GLI3: variants seen among roughly 807,000 people sequenced by gnomAD.
GLI3 encodes the protein GLI family zinc finger 3.
GLI3 carries 20 observed loss-of-function variants against 100.8 expected under a neutral mutation model. That is an observed-to-expected ratio of 0.20 (90% CI 0.14 to 0.29). The LOEUF (loss-of-function observed/expected upper bound fraction) is 0.29, where lower values mean the gene tolerates loss of function less well. Ranked by LOEUF, GLI3 falls within the 10% of genes least tolerant of loss-of-function variation. The pLI is 1.00. For synonymous variants in GLI3, 938 were observed against 860.5 expected (o/e 1.09, Z -1.58); for missense variants, 2,040 against 2,128.5 (o/e 0.96, Z 0.82).
Position 42,228,852 on chromosome 7 carries a change from A to G in GLI3, c.-42-5557T>C, listed in dbSNP as rs146671766. Among the ~76,000 whole-genome samples, 626 of 152,256 alleles carry G rather than the reference A, an allele frequency of 4.1e-3. 8 individuals are homozygous for G. The highest frequency in any genetic ancestry group is 0.015 in the African/African-American group (603 of 41,540). On this transcript the variant is annotated intron_variant, in intron 1 of 14. Transcript: ENST00000395925. ...ACAGACACATCGCCTCATTGTCTTG[A>G]GCTCAGGGAGGCCCTGAGTGGAGTC...
intron 1 of GLI3, among the ~76,000 whole-genome samples, chr7:42,244,578 G>A (rs372985124): frequency 6.6e-6 from 1 of 152,192 alleles, no homozygotes; most frequent in African/African-American, 2.4e-5. Context: ...ATGAAGTGGA[G>A]AATTGAGTAA....
chr7:42,047,909 C>T (rs536702079), intron 5 of GLI3, among the ~76,000 whole-genome samples: 64 of 152,346 alleles, frequency 4.2e-4, no homozygotes, highest in Non-Finnish European at 7.9e-4. Context: ...CTGACATCAT[C>T]GGCTTTTGAG....
intron 2 of GLI3, among the ~76,000 whole-genome samples, chr7:42,163,022 G>A (rs551465277): frequency 2.5e-5 from 3 of 121,262 alleles, no homozygotes; most frequent in East Asian, 2.4e-4. Context: ...AAATCTACAC[G>A]GCAAACTTGG....
At chr7:42,093,243 G>GGAT (rs1785265820) in intron 3 of GLI3, among the ~76,000 whole-genome samples, 1 of 151,988 alleles carries the variant, frequency 6.6e-6, no homozygotes, top group Admixed American at 6.5e-5. Context: ...GCCGGGTGTG[G>GGAT]TGGCACATGC....
chr7:42,061,641 A>T (rs74550581), intron 4 of GLI3, among the ~76,000 whole-genome samples: 2 of 152,290 alleles, frequency 1.3e-5, no homozygotes, highest in South Asian at 4.1e-4. Flanking sequence ...TAGGACTACT[A>T]TATGAGACTA....
rs1243908163 is a variant in GLI3 at position 41,972,341 on chromosome 7, G to A, written c.2099C>T (p.Pro700Leu). 2.5e-6 allele frequency: 4 copies of A among 1,613,628 alleles called. No homozygotes were observed. Among genetic ancestry groups the A allele is most frequent in the Non-Finnish European group, 3.4e-6 (4 of 1,179,768 alleles). ...LQVKTVKAEK[P>L]MTSQPSPGGQ... is the part of the protein sequence containing the mutation. ...GAAGGAGAGTGAATGACATACCATTGGCTTCTCTGCCTTGACGGTTTTCAC... is the reference window on the plus strand; with the variant it reads ...GAAGGAGAGTGAATGACATACCATTAGCTTCTCTGCCTTGACGGTTTTCAC... Residue 700 changes from proline (P) to leucine (L), a missense_variant, in exon 13 of 15, where the codon CCA (proline) becomes CTA (leucine). Around this residue, in one of 5 missense-constraint regions of GLI3, gnomAD observed 327 missense variants for 338.7 expected, o/e 0.97. Coordinates refer to ENST00000395925, the MANE Select transcript of GLI3 (RefSeq NM_000168.6). The surrounding 1 kb of genome is among the most constrained non-coding windows in gnomAD (Gnocchi z 4.4).
intron 3 of GLI3, among the ~76,000 whole-genome samples, chr7:42,119,110 A>G (rs1288504356): frequency 2.0e-5 from 3 of 152,198 alleles, no homozygotes; most frequent in African/African-American, 7.2e-5. Flanking sequence ...GGGACAGGAC[A>G]GAGCACACCA....
At chr7:41,967,290 A>G (rs745525517) in intron 14 of GLI3, among the ~76,000 whole-genome samples, 17 of 152,230 alleles carry the variant, frequency 1.1e-4, no homozygotes, top group Admixed American at 2.6e-4. Context: ...GAAACCAGAG[A>G]CAGAGTTCCA....
At chr7:42,133,270 C>T (rs1197346643) in intron 3 of GLI3, among the ~76,000 whole-genome samples, 3 of 152,164 alleles carry the variant, frequency 2.0e-5, no homozygotes, top group Admixed American at 6.5e-5. Flanking sequence ...TCAAATGAAA[C>T]AAGGAACTCT....
intron 2 of GLI3, chr7:42,152,086 TTGTTTTGTTTTTTTC>T (rs1202204382): frequency 6.6e-6 from 1 of 152,266 alleles, no homozygotes; most frequent in Non-Finnish European, 1.5e-5. Context: ...TTGTTTTGTT[TTGTTTTGTTTTTTTC>T]TGTCCATGAC....
chr7:42,223,241 A>G lies in GLI3; in HGVS notation c.13T>C (p.Ser5Pro). Reference protein sequence around the residue: MEAQSHSSTTTEKKK... With the variant: MEAQPHSSTTTEKKK... ...TTTTCAGTGGTCGTGGAGCTGTGGG[A>G]CTGGGCCTCCATGATGTCTTCTCAT... Residue 5 changes from serine to proline, a missense_variant, in exon 2 of 15, where the codon TCC (serine) becomes CCC (proline). Physicochemically the swap from Ser to Pro is moderately conservative, Grantham distance 74 (BLOSUM62 -1). Transcript: ENST00000395925. The G allele has an allele frequency of 6.2e-7, 1 of 1,613,526 alleles. No individual in the cohort carries two copies. Among genetic ancestry groups the G allele is most frequent in the Non-Finnish European group, 8.5e-7 (1 of 1,179,688 alleles).
intron 2 of GLI3, among the ~76,000 whole-genome samples, chr7:42,174,199 T>TA (rs1787433814): frequency 6.6e-6 from 1 of 152,188 alleles, no homozygotes; most frequent in African/African-American, 2.4e-5. Flanking sequence ...TTACTGAATT[T>TA]AAAATCAATA....
At chr7:42,261,439 TCATC>T (rs3057284) in intron 1 of GLI3, among the ~76,000 whole-genome samples, 108,453 of 151,042 alleles carry the variant, frequency 0.72, 41,275 homozygotes, top group Middle Eastern at 0.86. Context: ...AGATCACTCC[TCATC>T]CATCCATCCA....
intron 3 of GLI3, among the ~76,000 whole-genome samples, chr7:42,117,511 G>A (rs1377872778): frequency 6.6e-6 from 1 of 152,200 alleles, no homozygotes; most frequent in African/African-American, 2.4e-5. Context: ...CAATGACTGA[G>A]CATTCCTAAT....
At chr7:42,084,414 G>C (rs1785059619) in intron 3 of GLI3, among the ~76,000 whole-genome samples, 1 of 152,212 alleles carries the variant, frequency 6.6e-6, no homozygotes, top group African/African-American at 2.4e-5. Flanking sequence ...CTGTCCGTAA[G>C]TCTGCATGTT....
chr7:41,990,876 G>GTGTGTT, intron 10 of GLI3, among the ~76,000 whole-genome samples: 1 of 151,774 alleles, frequency 6.6e-6, no homozygotes. Flanking sequence ...GTGTGTGTGT[G>GTGTGTT]TGTGTGTGTG....
At chr7:42,145,560 A>T in intron 3 of GLI3, 1 of 397,734 alleles carries the variant, frequency 2.5e-6, no homozygotes, top group Non-Finnish European at 4.4e-6. Context: ...TCAATTCTTA[A>T]TCTGTGTTAT....
At chr7:42,086,514 T>A (rs1785104476) in intron 3 of GLI3, among the ~76,000 whole-genome samples, 1 of 151,852 alleles carries the variant, frequency 6.6e-6, no homozygotes, top group Admixed American at 6.6e-5. Context: ...CAGCCCAAGC[T>A]CTTCACCATG....
intron 5 of GLI3, among the ~76,000 whole-genome samples, chr7:42,047,210 C>T (rs558127719): frequency 2.2e-4 from 34 of 152,296 alleles, no homozygotes; most frequent in African/African-American, 7.7e-4. Context: ...TCTTTAGCTA[C>T]CTGTATTACT....
Sources: gnomAD v4.1 joint callset for allele counts (sites outside exome capture counted in the v4.1 genomes callset) on GRCh38, gnomAD v4.1.1 for gene constraint, gnomAD v4.1.1 regional missense constraint, Gnocchi (gnomAD v3.1) non-coding constraint, MANE v1.5 for transcripts, NCBI Gene and HGNC (gene_info 2026-07-23, HGNC 2026-07-21) for gene names.